Variants in NSUN2 observed in about 807,000 individuals in gnomAD.
The protein encoded by NSUN2 is NOP2/Sun RNA methyltransferase 2, also known as RNA cytosine C(5)-methyltransferase NSUN2.
In NSUN2, 63 loss-of-function variants were observed where a neutral mutation model predicts 92.7. The observed-to-expected ratio is 0.68, with a 90% CI of 0.56 to 0.84. NSUN2 has a LOEUF of 0.84. Ranked by LOEUF, NSUN2 falls within the 40% of genes least tolerant of loss-of-function variation. The pLI, the probability that NSUN2 is intolerant of heterozygous loss-of-function variation, is 0.00. For synonymous variants in NSUN2, 356 were observed against 348.3 expected (o/e 1.02, Z -0.25); for missense variants, 989 against 964.9 (o/e 1.02, Z -0.33).
intron 12 of NSUN2, among the ~76,000 whole-genome samples, chr5:6,608,764 A>G (rs484418): frequency 0.85 from 129,690 of 152,280 alleles, 55,647 homozygotes; most frequent in African/African-American, 0.96. Flanking sequence ...GGGCAGCCAC[A>G]AGCCTGTGGT....
intron 4 of NSUN2, among the ~76,000 whole-genome samples, chr5:6,624,694 A>T (rs1737580417): frequency 6.6e-6 from 1 of 152,174 alleles, no homozygotes; most frequent in African/African-American, 2.4e-5. Context: ...ACTATTCAGG[A>T]AGGAAAAGCC....
At chr5:6,603,288 C>T (rs1736628222) in intron 17 of NSUN2, among the ~76,000 whole-genome samples, 2 of 152,204 alleles carry the variant, frequency 1.3e-5, no homozygotes, top group South Asian at 4.1e-4. Flanking sequence ...TAATCTACTC[C>T]AGCTGGCTAG....
rs1737997232 is a variant in NSUN2, at chr5:6,632,919, C to T, written c.61G>A (p.Asp21Asn). ...QQQQRPEDAEDGAEGGGKRGE... is the reference protein window; with the variant it reads ...QQQQRPEDAENGAEGGGKRGE... ...CGCTTTCCACCACCCTCGGCGCCAT[C>T]CTCCGCGTCCTCCGGCCGCTGCTGT... The change falls in exon 1 of 19, where the codon GAT becomes AAT. Residue 21 changes from aspartate to asparagine, a missense_variant. Physicochemically the swap from Asp to Asn is conservative, Grantham distance 23 (BLOSUM62 1). Transcript: ENST00000264670. 1 of 1,517,926 alleles carries T rather than the reference C, an allele frequency of 6.6e-7. No homozygotes were observed. Among genetic ancestry groups the T allele is most frequent in the Non-Finnish European group, 8.8e-7 (1 of 1,139,910 alleles). The allele number at this position is 1,517,926 out of a possible 1,614,324, so 94.0% of individuals were successfully genotyped here.
intron 9 of NSUN2, among the ~76,000 whole-genome samples, chr5:6,616,072 G>GA (rs1181517247): frequency 1.2e-4 from 19 of 152,126 alleles, no homozygotes; most frequent in Middle Eastern, 3.2e-3. Context: ...CAGCCACTGT[G>GA]AAAAAAAGCA....
chr5:6,603,599 G>A (rs377744236), intron 17 of NSUN2, among the ~76,000 whole-genome samples: 1 of 152,348 alleles, frequency 6.6e-6, no homozygotes, highest in South Asian at 2.1e-4. Flanking sequence ...GCTGGGGCAG[G>A]AGAATGGCTG....
intron 12 of NSUN2, among the ~76,000 whole-genome samples, chr5:6,607,620 G>A (rs1347357105): frequency 6.6e-6 from 1 of 152,192 alleles, no homozygotes; most frequent in Non-Finnish European, 1.5e-5. Context: ...ATCCCACAAA[G>A]AGCATATACA....
intron 8 of NSUN2, among the ~76,000 whole-genome samples, chr5:6,617,203 T>C (rs138047574): frequency 6.6e-6 from 1 of 152,232 alleles, no homozygotes; most frequent in Non-Finnish European, 1.5e-5. Flanking sequence ...CTATGAAAAA[T>C]TGGTATCATA....
rs1736459935 is a variant in NSUN2, at chr5:6,599,671, C to T, written c.*255G>A. ...GAAAGTCTATTCCCAGCAAAAGAAA[C>T]ACTAGACCCAGCTTGGCCAAAGAAA... On this transcript the variant is annotated 3_prime_UTR_variant, in exon 19 of 19. Transcript: ENST00000264670. The T allele has an allele frequency of 4.4e-6, 2 of 451,556 alleles. No individual in the cohort carries two copies. The highest frequency in any genetic ancestry group is 4.4e-5 in the South Asian group (1 of 22,530). 28.0% of individuals were successfully genotyped at this position (451,556 alleles called of 1,614,324 possible). A position where few individuals can be genotyped will look rare whatever the true frequency, so the allele number is the denominator to read the frequency against.
chr5:6,611,187 T>C, intron 10 of NSUN2, 102 bp from the exon 11 acceptor site: 2 of 1,304,890 alleles, frequency 1.5e-6, no homozygotes, highest in African/African-American at 1.4e-5. Context: ...CAAATGGTGA[T>C]TCTCATTCAC....
chr5:6,600,445 G>A (rs909495358), intron 18 of NSUN2, among the ~76,000 whole-genome samples: 2 of 152,078 alleles, frequency 1.3e-5, no homozygotes, highest in African/African-American at 4.8e-5. Context: ...TCTCACCCTC[G>A]CTTTCGCCCT....
intron 9 of NSUN2, among the ~76,000 whole-genome samples, chr5:6,615,527 A>T (rs1380333139): frequency 6.6e-6 from 1 of 152,248 alleles, no homozygotes; most frequent in Admixed American, 6.5e-5. Flanking sequence ...GCAAGAAAAC[A>T]TCACCCAGAA....
intron 9 of NSUN2, 93 bp from the exon 10 acceptor site, chr5:6,611,891 T>C: frequency 9.2e-7 from 1 of 1,084,506 alleles, no homozygotes. Context: ...TCACATATTA[T>C]ATGATTCCAT....
chr5:6,623,176 A>G (rs548170696), intron 5 of NSUN2, 38 bp downstream of exon 5: 22 of 1,557,510 alleles, frequency 1.4e-5, no homozygotes, highest in Non-Finnish European at 1.8e-5. Context: ...ACTGGTAACA[A>G]GCTGCCCGCC....
rs990400657 is a variant in NSUN2 at position 6,618,850 on chromosome 5, T to C, written c.816-826A>G. 3.3e-5 allele frequency among the ~76,000 whole-genome samples: 5 copies of C among 152,372 alleles called. No homozygotes were observed. The South Asian group carries it at 6.2e-4, about 19-fold the overall frequency. On this transcript the variant is annotated intron_variant, in intron 7 of 18. Coordinates refer to ENST00000264670, the MANE Select transcript of NSUN2 (RefSeq NM_017755.6). ...TCCCAGAAGGTAACGCCTGTTTTTGTTGGCTTTCTCTGTAAATGCTGATTT... is the reference window on the plus strand; with the variant it reads ...TCCCAGAAGGTAACGCCTGTTTTTGCTGGCTTTCTCTGTAAATGCTGATTT...
chr5:6,605,700 C>CTTT (rs879418991), intron 14 of NSUN2, among the ~76,000 whole-genome samples: 1 of 144,896 alleles, frequency 6.9e-6, no homozygotes, highest in African/African-American at 2.5e-5. Context: ...ACTTTTGAGA[C>CTTT]TTTTTTTTTT....
chr5:6,623,141 T>C, intron 5 of NSUN2, 73 bp downstream of exon 5: 1 of 1,319,034 alleles, frequency 7.6e-7, no homozygotes, highest in Non-Finnish European at 1.0e-6. Flanking sequence ...GAAAAAATGG[T>C]TTCATCAAAA....
At position 6,617,994 on chromosome 5, in the gene NSUN2, A is replaced by C; in HGVS notation, c.846T>G (p.Asp282Glu). The C allele has an allele frequency of 6.2e-7, 1 of 1,613,854 alleles. No homozygotes were observed. The highest frequency in any genetic ancestry group is 8.5e-7 in the Non-Finnish European group (1 of 1,179,840). ...TTAAGGTGGTCCACTTTTTCCAAAC[A>C]TCAATGTTTTTTCTCATAGTGCCGT... is the stretch of plus-strand genomic sequence containing the variant. Reference protein sequence around the residue: ...SGDGTMRKNIDVWKKWTTLNS... With the variant: ...SGDGTMRKNIEVWKKWTTLNS... The change falls in exon 8 of 19, where the codon GAT becomes GAG. Residue 282 changes from aspartate (D) to glutamate (E), a missense_variant. By Grantham distance (45) the Asp-to-Glu change is conservative. This residue lies in a region of NSUN2 where 626 missense variants were observed against 602.3 expected (regional missense o/e 1.04). Transcript: ENST00000264670.
intron 14 of NSUN2, 77 bp from the exon 15 acceptor site, chr5:6,605,485 T>A (rs1736731815): frequency 6.7e-7 from 1 of 1,491,132 alleles, no homozygotes; most frequent in Admixed American, 1.7e-5. Context: ...CTTATTCTCC[T>A]CCTCCAGAAT....
At chr5:6,602,552 T>G in intron 17 of NSUN2, 52 bp from the exon 18 acceptor site, 3 of 1,519,884 alleles carry the variant, frequency 2.0e-6, no homozygotes, top group South Asian at 1.1e-5. Flanking sequence ...AGTGGATGCA[T>G]GCGCTGAGCA....
Sources: allele counts gnomAD v4.1 joint callset (sites outside exome capture counted in the v4.1 genomes callset), GRCh38; gene constraint gnomAD v4.1.1; regional missense constraint gnomAD v4.1.1; transcripts MANE v1.5; gene names NCBI Gene and HGNC (gene_info 2026-07-23, HGNC 2026-07-21).